NRP2: variants seen among roughly 807,000 people sequenced by gnomAD.
The protein encoded by NRP2 is neuropilin-2.
In NRP2, 52 loss-of-function variants were observed where a neutral mutation model predicts 110.4. The observed-to-expected ratio is 0.47, with a 90% confidence interval of 0.38 to 0.59. NRP2 has a LOEUF of 0.59. Ranked by LOEUF, NRP2 falls within the 20% of genes least tolerant of loss-of-function variation. NRP2 has a pLI of 0.00. For missense variants in NRP2, 1,049 were observed against 1,203.0 expected, an observed-to-expected ratio of 0.87 and a Z score of 1.89; for synonymous variants, 508 against 468.9, an observed-to-expected ratio of 1.08 and a Z score of -1.08.
At chr2:205,780,813 G>A (rs539398242) in intron 15 of NRP2, among the ~76,000 whole-genome samples, 7 of 152,256 alleles carry the variant, frequency 4.6e-5, no homozygotes, top group East Asian at 3.9e-4. Context: ...ACAGGCTTCC[G>A]GTTTTTAGAT....
At chr2:205,746,160 C>T (rs763901906) in intron 10 of NRP2, among the ~76,000 whole-genome samples, 1 of 152,208 alleles carries the variant, frequency 6.6e-6, no homozygotes, top group Non-Finnish European at 1.5e-5. Flanking sequence ...CCACACACCA[C>T]CCACCCAAAT....
At chr2:205,728,641 G>A (rs1365242783) in intron 7 of NRP2, among the ~76,000 whole-genome samples, 3 of 152,240 alleles carry the variant, frequency 2.0e-5, no homozygotes, top group Non-Finnish European at 2.9e-5. Flanking sequence ...GTCTGTGTGG[G>A]TGATGTGGGG....
intron 15 of NRP2, among the ~76,000 whole-genome samples, chr2:205,787,871 G>A (rs1276909550): frequency 6.6e-6 from 1 of 152,086 alleles, no homozygotes; most frequent in Non-Finnish European, 1.5e-5. Context: ...TGTCTTGGGG[G>A]TGTTTCCCCT....
At chr2:205,700,483 T>G (rs573826590) in intron 2 of NRP2, among the ~76,000 whole-genome samples, 11 of 152,318 alleles carry the variant, frequency 7.2e-5, no homozygotes, top group South Asian at 6.2e-4. Context: ...CCCAACCTCG[T>G]GTTTGCCCGG....
chr2:205,763,860 G>A lies in NRP2; in HGVS notation c.2231G>A (p.Trp744Ter), dbSNP rs760872348. 3.1e-6 allele frequency: 5 copies of A among 1,614,018 alleles called. No individual in the cohort carries two copies. In the African/African-American group the frequency reaches 6.7e-5, roughly 22 times the overall value. Residue 744 changes from tryptophan (W) to a stop codon, truncating the protein, a stop_gained, in exon 13 of 17, where the codon TGG (tryptophan) becomes TAG (stop). Transcript: ENST00000357785. LOFTEE classifies it high-confidence loss of function. This position sits in a 1 kb window ranked among gnomAD's most constrained non-coding sequence, Gnocchi z 4.0. ...REASQESKLLWVIREDQGGEW... is the reference protein window; with the variant it reads ...REASQESKLL ...GCCAGCCAGGAGAGCAAGTTGCTGT[G>A]GGTCATCCGTGAGGACCAGGGCGGC...
chr2:205,785,382 TC>T (rs1224576782), intron 15 of NRP2, among the ~76,000 whole-genome samples: 1 of 151,636 alleles, frequency 6.6e-6, no homozygotes, highest in Non-Finnish European at 1.5e-5. Context: ...TCCCCTAGCA[TC>T]CCAGGAAAAA....
intron 7 of NRP2, among the ~76,000 whole-genome samples, chr2:205,728,732 G>GCCAT (rs1482814677): frequency 6.6e-6 from 1 of 152,230 alleles, no homozygotes; most frequent in Admixed American, 6.5e-5. Context: ...GCTGGCACAG[G>GCCAT]CGATGTGCTG....
At chr2:205,726,342 T>A (rs955823765) in intron 6 of NRP2, among the ~76,000 whole-genome samples, 3 of 152,220 alleles carry the variant, frequency 2.0e-5, no homozygotes, top group Non-Finnish European at 2.9e-5. Flanking sequence ...GGATGCTGTT[T>A]GCCCTATCAC....
At chr2:205,693,063 C>T (rs962793211) in intron 1 of NRP2, among the ~76,000 whole-genome samples, 1 of 152,174 alleles carries the variant, frequency 6.6e-6, no homozygotes, top group Non-Finnish European at 1.5e-5. Context: ...TGACAACCTC[C>T]TTTCTTTTTA....
At chr2:205,742,156 G>C (rs1239292148) in intron 8 of NRP2, among the ~76,000 whole-genome samples, 1 of 152,204 alleles carries the variant, frequency 6.6e-6, no homozygotes, top group Non-Finnish European at 1.5e-5. Flanking sequence ...TGAAGAAGGG[G>C]AACAACGTGG....
chr2:205,740,065 A>G, intron 7 of NRP2: 1 of 272,686 alleles, frequency 3.7e-6, no homozygotes, highest in Admixed American at 5.0e-5. Context: ...ACAACCGTGA[A>G]GCACTTTGCA....
At chr2:205,706,397 T>C (rs2056678937) in intron 2 of NRP2, among the ~76,000 whole-genome samples, 1 of 152,188 alleles carries the variant, frequency 6.6e-6, no homozygotes, top group Admixed American at 6.5e-5. Context: ...GCCCAGGAAC[T>C]GGCAGTTTGA....
At chr2:205,717,179 C>A (rs935600417) in intron 3 of NRP2, among the ~76,000 whole-genome samples, 11 of 147,666 alleles carry the variant, frequency 7.4e-5, no homozygotes, top group Admixed American at 2.1e-4. Flanking sequence ...ATGTGTGGAG[C>A]TTGTTATCTC....
intron 2 of NRP2, among the ~76,000 whole-genome samples, chr2:205,710,707 T>C (rs1182592091): frequency 6.6e-6 from 1 of 152,170 alleles, no homozygotes; most frequent in Non-Finnish European, 1.5e-5. Flanking sequence ...TGCAGCTTCT[T>C]TGTTGGGAAG....
In NRP2 at chr2:205,769,361, G is replaced by A. The variant is rs575603544; in HGVS notation, c.2425+2558G>A. On this transcript the variant is annotated intron_variant, in intron 15 of 16. Transcript: ENST00000357785. ...GTGAAATACAATAAAAGTGGCCTTT[G>A]GACCTGGAGTTATTAGATGGTCGCA... Among the ~76,000 whole-genome samples, 57 of 152,230 alleles carry A rather than the reference G, an allele frequency of 3.7e-4. No individual in the cohort carries two copies. In the South Asian group the frequency reaches 0.012, roughly 31 times the overall value.
rs182880241 is a variant in NRP2, at chr2:205,707,453, G to A, written c.252-8740G>A. ...CCCCTGGAGCCAGGAGAAGCTCCAAGCTCTGTAATCTGAAGCTCCAAGTAA... is the reference window on the plus strand; with the variant it reads ...CCCCTGGAGCCAGGAGAAGCTCCAAACTCTGTAATCTGAAGCTCCAAGTAA... On this transcript the variant is annotated intron_variant, in intron 2 of 16. Transcript: ENST00000357785. Among the ~76,000 whole-genome samples, 20 of 152,294 alleles carry A rather than the reference G, an allele frequency of 1.3e-4. 1 individual carries two copies. The highest frequency in any genetic ancestry group is 4.6e-4 in the African/African-American group (19 of 41,568).
intron 3 of NRP2, among the ~76,000 whole-genome samples, chr2:205,719,653 C>T (rs2056972475): frequency 6.6e-6 from 1 of 152,060 alleles, no homozygotes; most frequent in Non-Finnish European, 1.5e-5. Context: ...TGGGGTCATT[C>T]ACAGAGGTAG....
intron 15 of NRP2, among the ~76,000 whole-genome samples, chr2:205,771,111 G>A (rs911308216): frequency 8.5e-5 from 13 of 152,106 alleles, no homozygotes; most frequent in Non-Finnish European, 5.9e-5. Context: ...TGAAGCGTCC[G>A]AGACTTCAGC....
chr2:205,790,648 G>GT (rs56812222), intron 15 of NRP2, among the ~76,000 whole-genome samples: 77,706 of 144,964 alleles, frequency 0.54, 21,164 homozygotes, highest in Non-Finnish European at 0.61. Flanking sequence ...TTTCTTCCAT[G>GT]TTTTTTTTTT....
Sources: gnomAD v4.1 joint callset for allele counts (sites outside exome capture counted in the v4.1 genomes callset) on GRCh38, gnomAD v4.1.1 for gene constraint, Gnocchi (gnomAD v3.1) non-coding constraint, MANE v1.5 for transcripts, NCBI Gene and HGNC (gene_info 2026-07-23, HGNC 2026-07-21) for gene names.